The following P4HA2 variants were observed in gnomAD, a reference collection of about 807,000 sequenced individuals.
The protein encoded by P4HA2 is prolyl 4-hydroxylase subunit alpha 2.
Under a neutral mutation model 76.9 loss-of-function variants are expected in P4HA2, and 46 were observed. The observed-to-expected ratio is 0.60, with a 90% confidence interval of 0.47 to 0.76. The LOEUF (loss-of-function observed/expected upper bound fraction) is 0.76. Among genes scored for constraint, P4HA2 ranks in the 30% least tolerant of loss-of-function variants. The pLI is 0.00. For synonymous variants in P4HA2, 243 were observed against 254.0 expected (o/e 0.96, Z 0.41); for missense variants, 583 against 669.4 (o/e 0.87, Z 1.42).
At chr5:132,218,905 C>G (rs1032968239) in intron 1 of P4HA2, among the ~76,000 whole-genome samples, 1 of 152,222 alleles carries the variant, frequency 6.6e-6, no homozygotes, top group African/African-American at 2.4e-5. Context: ...CAGCAACCAC[C>G]TGTACCATGA....
At position 132,198,368 on chromosome 5, in the gene P4HA2, T is replaced by C. The variant is rs1750992448; in HGVS notation, c.1318A>G (p.Ser440Gly). 6.2e-7 allele frequency: 1 copy of C among 1,613,344 alleles called. No individual in the cohort carries two copies. The highest frequency in any genetic ancestry group is 8.5e-7 in the Non-Finnish European group (1 of 1,180,010). ...CTATTCCCCTCTGTTTTGAGGCCGC[T>C]GTCAAAAGGTCGCTGCAACAGACAA... Reference protein sequence around the residue: ...HFDFSRRPFDSGLKTEGNRLA... With the variant: ...HFDFSRRPFDGGLKTEGNRLA... Residue 440 changes from serine (S) to glycine (G), a missense_variant, in exon 12 of 15, where the codon AGC becomes GGC. Ser to Gly is a moderately conservative substitution (Grantham distance 56). Transcript: ENST00000360568.
chr5:132,203,154 C>T (rs549977756), intron 10 of P4HA2, among the ~76,000 whole-genome samples: 1 of 152,360 alleles, frequency 6.6e-6, no homozygotes, highest in South Asian at 2.1e-4. Flanking sequence ...CAATTCTTGT[C>T]TCTTGCTGTC....
chr5:132,203,629 A>G (rs1751803772), intron 10 of P4HA2, 119 bp downstream of exon 10: 1 of 679,960 alleles, frequency 1.5e-6, no homozygotes, highest in East Asian at 2.7e-5. Flanking sequence ...CTCCATATTC[A>G]TAGCATCAGG....
chr5:132,219,167 G>A (rs746386341), intron 1 of P4HA2, among the ~76,000 whole-genome samples: 2 of 152,188 alleles, frequency 1.3e-5, no homozygotes, highest in Non-Finnish European at 2.9e-5. Context: ...AAACTAAGGT[G>A]TACAACAGAT....
intron 12 of P4HA2, 120 bp from the exon 13 acceptor site, chr5:132,195,600 G>A: frequency 1.3e-6 from 1 of 745,432 alleles, no homozygotes; most frequent in Non-Finnish European, 2.4e-6. Flanking sequence ...ACACTACTTG[G>A]TGTCTGCTCC....
At chr5:132,204,937 A>AG (rs143513968) in intron 8 of P4HA2, among the ~76,000 whole-genome samples, 2,546 of 152,376 alleles carry the variant, frequency 0.017, 43 homozygotes, top group Non-Finnish European at 0.026. Flanking sequence ...AACATGGCAA[A>AG]GGTCCATGTG....
At chr5:132,214,694 C>G (rs951537248) in intron 4 of P4HA2, among the ~76,000 whole-genome samples, 1 of 152,008 alleles carries the variant, frequency 6.6e-6, no homozygotes, top group Non-Finnish European at 1.5e-5. Context: ...GGCCAAGGAC[C>G]AAGGTGGGGT....
In P4HA2 at chr5:132,195,489, A is replaced by G; in HGVS notation, c.1366-9T>C. The G allele has an allele frequency of 6.2e-7, 1 of 1,607,528 alleles. No homozygotes were observed. The highest frequency in any genetic ancestry group is 8.5e-7 in the Non-Finnish European group (1 of 1,173,970). ...GCTTCTACATCACTCATCTGGAAAT[A>G]TAAGACATAGAGCTTGACCCTCCTA... On this transcript the variant is annotated splice_polypyrimidine_tract_variant and intron_variant, in intron 12 of 14. Coordinates refer to ENST00000360568, the MANE Select transcript of P4HA2 (RefSeq NM_001017974.2).
chr5:132,198,295 C>G, intron 12 of P4HA2, 26 bp downstream of exon 12: 2 of 1,614,192 alleles, frequency 1.2e-6, no homozygotes, highest in East Asian at 2.2e-5. Flanking sequence ...TGAGAATGAA[C>G]AGGTGGGCCT....
chr5:132,207,570 CTG>C, intron 8 of P4HA2, 136 bp downstream of exon 8: 1 of 664,286 alleles, frequency 1.5e-6, no homozygotes, highest in Non-Finnish European at 2.6e-6. Flanking sequence ...TGAAGCATCT[CTG>C]TATCCCCACG....
chr5:132,221,839 T>C (rs530911057), intron 1 of P4HA2, among the ~76,000 whole-genome samples: 1 of 152,286 alleles, frequency 6.6e-6, no homozygotes, highest in South Asian at 2.1e-4. Flanking sequence ...CACAGGAAAG[T>C]CCTGCAAAAC....
rs539378974 is a variant in P4HA2, at chr5:132,215,850, T to TAAAAAAA, written c.331+1340_331+1346dup. Among the ~76,000 whole-genome samples the TAAAAAAA allele has an allele frequency of 8.9e-4, 73 of 81,888 alleles. 1 individual carries two copies. Among genetic ancestry groups the TAAAAAAA allele is most frequent in the Admixed American group, 1.4e-3 (8 of 5,820 alleles). 53.7% of individuals were successfully genotyped at this position (81,888 alleles called of 152,430 possible). On this transcript the variant is annotated intron_variant, in intron 4 of 14. Transcript: ENST00000360568. Reference sequence around the variant, plus strand: ...CTAATATAGTGAGACCCTGTCCCTTTAAAAAAAAAAAAAAAAAAAAAAAAA... The same window carrying TAAAAAAA: ...CTAATATAGTGAGACCCTGTCCCTTTAAAAAAAAAAAAAAAAAAAAAAAAAAAAAAAA...
chr5:132,198,043 CA>C, intron 12 of P4HA2: 1 of 985,348 alleles, frequency 1.0e-6, no homozygotes, highest in East Asian at 1.1e-4. Flanking sequence ...TGAATAGAAA[CA>C]GAGGCCAACT....
In P4HA2 at chr5:132,227,837, C is replaced by A. The variant is rs1270481171; in HGVS notation, c.-66G>T. The A allele has an allele frequency of 6.6e-6, 1 of 152,306 alleles. No individual in the cohort carries two copies. Among genetic ancestry groups the A allele is most frequent in the African/African-American group, 2.4e-5 (1 of 41,462 alleles). 9.4% of individuals were successfully genotyped at this position (152,306 alleles called of 1,614,324 possible). A position where few individuals can be genotyped will look rare whatever the true frequency, so the allele number is the denominator to read the frequency against. On this transcript the variant is annotated 5_prime_UTR_variant, in exon 1 of 15. Transcript: ENST00000360568. The stretch of plus-strand genomic sequence containing the variant: ...GTTTCCAGAACCTCCCGCGGCGTCG[C>A]CCGGTCAGCTCGGCGCCTCCTCCCT...
At chr5:132,201,972 A>G (rs954707247) in intron 10 of P4HA2, 2 of 152,210 alleles carry the variant, frequency 1.3e-5, no homozygotes, top group African/African-American at 4.8e-5. Context: ...GACTGGCTCT[A>G]ACACAGAGGA....
chr5:132,204,070 C>T lies in P4HA2; in HGVS notation c.1151+12G>A. On this transcript the variant is annotated intron_variant, in intron 9 of 14. Coordinates refer to ENST00000360568, the MANE Select transcript of P4HA2 (RefSeq NM_001017974.2). Reference sequence around the variant, plus strand: ...GGGCTTGAGCAGCTACGAACCCCTGCTCTTTGCTTACCTTTTGGAAACCCG... The same window carrying T: ...GGGCTTGAGCAGCTACGAACCCCTGTTCTTTGCTTACCTTTTGGAAACCCG... 6.2e-7 allele frequency: 1 copy of T among 1,608,642 alleles called. No homozygotes were observed. The highest frequency in any genetic ancestry group is 8.5e-7 in the Non-Finnish European group (1 of 1,174,906).
rs763572074 is a variant in P4HA2 at position 132,194,906 on chromosome 5, C to T, written c.1531+20G>A. The T allele has an allele frequency of 6.4e-7, 1 of 1,558,252 alleles. No homozygotes were observed. The highest frequency in any genetic ancestry group is 8.9e-7 in the Non-Finnish European group (1 of 1,129,030). ...CAAGCTGAGGCCACCAACACCAACA[C>T]TACCCCTTAAGACACTCACCCCACT... On this transcript the variant is annotated intron_variant, in intron 14 of 14. Coordinates refer to ENST00000360568, the MANE Select transcript of P4HA2 (RefSeq NM_001017974.2).
intron 5 of P4HA2, among the ~76,000 whole-genome samples, chr5:132,211,694 T>A (rs1055527040): frequency 2.6e-5 from 4 of 152,158 alleles, no homozygotes; most frequent in African/African-American, 9.7e-5. Context: ...CCTACATTGC[T>A]GGGGCAGAGT....
chr5:132,193,830 T>A lies in P4HA2; in HGVS notation c.1532-750A>T, dbSNP rs190001059. 5.8e-3 allele frequency among the ~76,000 whole-genome samples: 887 copies of A among 152,298 alleles called. 5 individuals carry two copies. The highest frequency in any genetic ancestry group is 0.012 in the South Asian group (56 of 4,824). On this transcript the variant is annotated intron_variant, in intron 14 of 14. Transcript: ENST00000360568. ...CAGACTCTCTCATAATGAATAAAAA[T>A]TTTATTTCAATGCACTACTGAAGTC...
Sources: gnomAD v4.1 joint callset for allele counts (sites outside exome capture counted in the v4.1 genomes callset) on GRCh38, gnomAD v4.1.1 for gene constraint, MANE v1.5 for transcripts, NCBI Gene and HGNC (gene_info 2026-07-23, HGNC 2026-07-21) for gene names.